The following MET variants were observed in gnomAD, a reference collection of about 807,000 sequenced individuals.
MET encodes hepatocyte growth factor receptor.
MET carries 48 observed loss-of-function variants against 133.1 expected under a neutral mutation model. The observed-to-expected ratio is 0.36, with a 90% CI of 0.29 to 0.46. The LOEUF is 0.46. MET is among the 20% of genes least tolerant of loss of function. The pLI, the probability that MET is intolerant of heterozygous loss-of-function variation, is 1.00. For missense variants in MET, 1,442 were observed against 1,695.9 expected (o/e 0.85, Z 2.63); for synonymous variants, 628 against 616.5 (o/e 1.02, Z -0.28).
intron 1 of MET, among the ~76,000 whole-genome samples, chr7:116,693,559 T>C (rs981214348): frequency 6.6e-6 from 1 of 152,200 alleles, no homozygotes; most frequent in Non-Finnish European, 1.5e-5. Context: ...CTCTCCAGTG[T>C]TTGACCTCAG....
intron 5 of MET, among the ~76,000 whole-genome samples, chr7:116,749,703 G>A (rs1480203867): frequency 1.3e-5 from 2 of 152,146 alleles, no homozygotes; most frequent in Admixed American, 6.6e-5. Flanking sequence ...TGCATATTTA[G>A]AAAACCCCAT....
In MET at chr7:116,763,068, A is replaced by G. The variant is rs200633053; in HGVS notation, c.2383A>G (p.Asn795Asp). 3.1e-6 allele frequency: 5 copies of G among 1,613,986 alleles called. No homozygotes were observed. Among genetic ancestry groups the G allele is most frequent in the Non-Finnish European group, 3.4e-6 (4 of 1,179,922 alleles). Reference sequence around the variant, plus strand: ...TCTCTAGGCATGTCAACATCGCTCTAATTCAGAGATAATCTGTTGTACCAC... The same window carrying G: ...TCTCTAGGCATGTCAACATCGCTCTGATTCAGAGATAATCTGTTGTACCAC... Reference protein sequence around the residue: ...NFTVACQHRSNSEIICCTTPS... With the variant: ...NFTVACQHRSDSEIICCTTPS... The change falls in exon 11 of 21, where the codon AAT becomes GAT. Residue 795 changes from asparagine (N) to aspartate (D), a missense_variant. Around this residue, in one of 6 missense-constraint regions of MET, gnomAD observed 514 missense variants for 659.6 expected, o/e 0.78. Coordinates refer to ENST00000397752, the MANE Select transcript of MET (RefSeq NM_000245.4).
At chr7:116,788,653 G>A (rs1795390813) in intron 19 of MET, among the ~76,000 whole-genome samples, 1 of 152,218 alleles carries the variant, frequency 6.6e-6, no homozygotes, top group African/African-American at 2.4e-5. Flanking sequence ...TGAATAATCT[G>A]TACATAATGC....
At chr7:116,677,677 G>T (rs1186534812) in intron 1 of MET, among the ~76,000 whole-genome samples, 1 of 152,170 alleles carries the variant, frequency 6.6e-6, no homozygotes, top group African/African-American at 2.4e-5. Context: ...CCCCAGGACT[G>T]CTTCTACAAA....
At chr7:116,782,892 C>T (rs1014142840) in intron 18 of MET, among the ~76,000 whole-genome samples, 1 of 152,200 alleles carries the variant, frequency 6.6e-6, no homozygotes, top group Non-Finnish European at 1.5e-5. Flanking sequence ...AGTAAAGTAT[C>T]AGTCCCCTGT....
At position 116,769,723 on chromosome 7, in the gene MET, C is replaced by G. The variant is rs115574135; in HGVS notation, c.2662C>G (p.His888Asp). The G allele has an allele frequency of 1.2e-6, 2 of 1,612,872 alleles. No individual in the cohort carries two copies. Among genetic ancestry groups the G allele is most frequent in the South Asian group, 2.2e-5 (2 of 91,052 alleles). The change falls in exon 12 of 21, where the codon CAT becomes GAT. Residue 888 changes from histidine to aspartate, a missense_variant. Around this residue, in one of 6 missense-constraint regions of MET, gnomAD observed 514 missense variants for 659.6 expected, o/e 0.78. Transcript: ENST00000397752. ...TAAGAGCTGTGAGAATATACACTTACATTCTGAAGCCGTTTTATGCACGGT... is the reference window on the plus strand; with the variant it reads ...TAAGAGCTGTGAGAATATACACTTAGATTCTGAAGCCGTTTTATGCACGGT... Reference protein sequence around the residue: ...GNKSCENIHLHSEAVLCTVPN... With the variant: ...GNKSCENIHLDSEAVLCTVPN...
chr7:116,748,002 T>G (rs914831340), intron 5 of MET, among the ~76,000 whole-genome samples: 1 of 152,346 alleles, frequency 6.6e-6, no homozygotes, highest in Non-Finnish European at 1.5e-5. Context: ...TCCCAGCACT[T>G]TGGGAGGCTG....
At chr7:116,695,464 A>G (rs1796929296) in intron 1 of MET, among the ~76,000 whole-genome samples, 1 of 152,202 alleles carries the variant, frequency 6.6e-6, no homozygotes, top group Non-Finnish European at 1.5e-5. Flanking sequence ...TGATCCTTAA[A>G]ATGGTCACGT....
chr7:116,673,747 C>T (rs1796057594), intron 1 of MET, among the ~76,000 whole-genome samples: 1 of 152,172 alleles, frequency 6.6e-6, no homozygotes, highest in African/African-American at 2.4e-5. Flanking sequence ...ACATAAATTG[C>T]ATTTTTATGT....
chr7:116,700,219 A>G lies in MET; in HGVS notation c.1135A>G (p.Asn379Asp). The stretch of plus-strand genomic sequence containing the variant: ...CAACGACTTCTTCAACAAGATCGTC[A>G]ACAAAAACAATGTGAGATGTCTCCA... Reference protein sequence around the residue: ...YVNDFFNKIVNKNNVRCLQHF... With the variant: ...YVNDFFNKIVDKNNVRCLQHF... The change falls in exon 2 of 21, where the codon AAC (asparagine) becomes GAC (aspartate). Residue 379 changes from asparagine (N) to aspartate (D), a missense_variant. Asn to Asp is a conservative substitution (Grantham distance 23). Around this residue, in one of 6 missense-constraint regions of MET, gnomAD observed 762 missense variants for 792.4 expected, o/e 0.96. Coordinates refer to ENST00000397752, the MANE Select transcript of MET (RefSeq NM_000245.4). 6.3e-7 allele frequency: 1 copy of G among 1,597,420 alleles called. No homozygotes were observed. Among genetic ancestry groups the G allele is most frequent in the East Asian group, 2.2e-5 (1 of 44,822 alleles).
intron 1 of MET, among the ~76,000 whole-genome samples, chr7:116,698,840 G>T (rs1797056714): frequency 6.6e-6 from 1 of 152,164 alleles, no homozygotes; most frequent in Non-Finnish European, 1.5e-5. Context: ...GCATCTCAAT[G>T]GTTCTCTAAA....
At chr7:116,727,577 C>T (rs1383184292) in intron 2 of MET, among the ~76,000 whole-genome samples, 2 of 152,158 alleles carry the variant, frequency 1.3e-5, no homozygotes, top group Non-Finnish European at 2.9e-5. Flanking sequence ...TCTTTAGACT[C>T]TTCTGCAGTT....
chr7:116,788,677 G>T lies in MET; in HGVS notation c.3798+5208G>T, dbSNP rs1182616540. ...TGTACATAATGCTGCTTTGGGAAAT[G>T]GTTACTGATTGCATGGATAAATTTG... On this transcript the variant is annotated intron_variant, in intron 19 of 20. Transcript: ENST00000397752. 2.6e-5 allele frequency among the ~76,000 whole-genome samples: 4 copies of T among 152,210 alleles called. No individual in the cohort carries two copies. In the East Asian group the frequency reaches 7.7e-4, roughly 29 times the overall value.
At chr7:116,784,808 A>T (rs557886701) in intron 19 of MET, among the ~76,000 whole-genome samples, 305 of 152,208 alleles carry the variant, frequency 2.0e-3, no homozygotes, top group South Asian at 0.016. Flanking sequence ...AGTCCCCCAA[A>T]ATCTTAACTC....
chr7:116,742,859 G>A (rs1793513921), intron 5 of MET, among the ~76,000 whole-genome samples: 2 of 152,198 alleles, frequency 1.3e-5, no homozygotes, highest in South Asian at 4.1e-4. Context: ...TAGGTTCATA[G>A]TTGTTAGGAA....
chr7:116,743,070 G>A (rs1400319231), intron 5 of MET, among the ~76,000 whole-genome samples: 1 of 152,246 alleles, frequency 6.6e-6, no homozygotes, highest in African/African-American at 2.4e-5. Context: ...GACAGTGGGT[G>A]CAGCCCACAG....
intron 2 of MET, among the ~76,000 whole-genome samples, chr7:116,725,709 A>G (rs1423856263): frequency 6.6e-6 from 1 of 151,362 alleles, no homozygotes; most frequent in Non-Finnish European, 1.5e-5. Flanking sequence ...TTGTAACACA[A>G]TGGTAAGTAT....
At chr7:116,747,045 T>C (rs1793720833) in intron 5 of MET, among the ~76,000 whole-genome samples, 1 of 152,120 alleles carries the variant, frequency 6.6e-6, no homozygotes, top group African/African-American at 2.4e-5. Flanking sequence ...AAACTAAGCT[T>C]CATAAGTGAA....
chr7:116,685,203 G>A (rs1472014282), intron 1 of MET, among the ~76,000 whole-genome samples: 6 of 152,132 alleles, frequency 3.9e-5, no homozygotes, highest in Non-Finnish European at 5.9e-5. Context: ...CCATCACTCA[G>A]TCCTCCTCTC....
Sources: allele counts gnomAD v4.1 joint callset (sites outside exome capture counted in the v4.1 genomes callset), GRCh38; gene constraint gnomAD v4.1.1; regional missense constraint gnomAD v4.1.1; transcripts MANE v1.5; gene names NCBI Gene and HGNC (gene_info 2026-07-23, HGNC 2026-07-21).